The following ARL13B variants were observed in gnomAD, a reference collection of about 807,000 sequenced individuals.
The protein encoded by ARL13B is ARF like GTPase 13B.
A neutral mutation model predicts 56.1 loss-of-function variants in ARL13B; 36 were observed. That is an observed-to-expected ratio of 0.64 (90% CI 0.49 to 0.85). The LOEUF (loss-of-function observed/expected upper bound fraction) is 0.85, where lower values mean the gene tolerates loss of function less well. Among genes scored for constraint, ARL13B ranks in the 40% least tolerant of loss-of-function variants. The probability of loss-of-function intolerance (pLI) is 0.00; values close to 1 mark genes in which losing one functional copy is unlikely to be tolerated. For missense variants in ARL13B, 519 were observed against 507.1 expected (o/e 1.02, Z -0.23); for synonymous variants, 178 against 171.1 (o/e 1.04, Z -0.32).
chr3:94,016,862 G>T (rs2076344006), intron 3 of ARL13B, among the ~76,000 whole-genome samples: 1 of 152,084 alleles, frequency 6.6e-6, no homozygotes, highest in South Asian at 2.1e-4. Flanking sequence ...GGCCAGGCTG[G>T]TCTCAAACTC....
chr3:94,051,919 AT>A (rs200822426), intron 9 of ARL13B, among the ~76,000 whole-genome samples: 144 of 146,416 alleles, frequency 9.8e-4, no homozygotes, highest in Admixed American at 1.6e-3. Context: ...AAATTCATGA[AT>A]TTTTTTTTTT....
At chr3:94,039,827 A>G (rs536106268) in intron 5 of ARL13B, 53 bp from the exon 6 acceptor site, 2 of 1,520,532 alleles carry the variant, frequency 1.3e-6, no homozygotes, top group East Asian at 2.3e-5. Flanking sequence ...TTTCTTTAAC[A>G]TGGTTCAGCA....
rs555046723 is a variant in ARL13B at position 94,022,033 on chromosome 3, G to C, written c.381-13298G>C. Among the ~76,000 whole-genome samples the C allele has an allele frequency of 3.3e-5, 5 of 152,218 alleles. No homozygotes were observed. In the East Asian group the frequency reaches 9.7e-4, roughly 29 times the overall value. ...TTCCTTAAAGACAGTCATAAAGGCA[G>C]TCATTTTCAGCTCCTTAGCTATATG... On this transcript the variant is annotated intron_variant, in intron 3 of 9. Coordinates refer to ENST00000394222, the MANE Select transcript of ARL13B (RefSeq NM_001174150.2).
chr3:94,010,295 C>G (rs1019905233), intron 3 of ARL13B, among the ~76,000 whole-genome samples: 1 of 152,014 alleles, frequency 6.6e-6, no homozygotes, highest in Non-Finnish European at 1.5e-5. Flanking sequence ...CACTAGTGTT[C>G]TGTAAATGCA....
At chr3:94,022,328 G>A (rs2076465695) in intron 3 of ARL13B, among the ~76,000 whole-genome samples, 1 of 151,996 alleles carries the variant, frequency 6.6e-6, no homozygotes, top group African/African-American at 2.4e-5. Flanking sequence ...GTTTTACCAT[G>A]TTGGCCAGGC....
intron 3 of ARL13B, chr3:94,014,516 T>G: frequency 6.2e-7 from 1 of 1,612,754 alleles, no homozygotes; most frequent in Non-Finnish European, 8.5e-7. Context: ...TTCACTGTCA[T>G]TTCAATATTG....
chr3:93,982,153 CCTTTT>C (rs1172216966), intron 1 of ARL13B, among the ~76,000 whole-genome samples: 1 of 152,100 alleles, frequency 6.6e-6, no homozygotes, highest in Non-Finnish European at 1.5e-5. Flanking sequence ...CTTAGTCTTT[CCTTTT>C]CTTAGCAGCT....
chr3:94,034,232 A>G (rs1234334233), intron 3 of ARL13B, among the ~76,000 whole-genome samples: 1 of 151,730 alleles, frequency 6.6e-6, no homozygotes, highest in African/African-American at 2.4e-5. Context: ...GGGAAATACA[A>G]AAAAAAAGAA....
At chr3:94,008,984 A>C (rs1029741757) in intron 3 of ARL13B, among the ~76,000 whole-genome samples, 1 of 152,074 alleles carries the variant, frequency 6.6e-6, no homozygotes, top group Admixed American at 6.6e-5. Flanking sequence ...ATTTGATCTT[A>C]CTGGATGTTA....
chr3:94,044,099 G>A (rs1011135070), intron 7 of ARL13B, among the ~76,000 whole-genome samples: 4 of 152,058 alleles, frequency 2.6e-5, no homozygotes, highest in South Asian at 2.1e-4. Context: ...AGTGAGCAGC[G>A]TCTCTGCCTG....
chr3:94,034,084 A>G lies in ARL13B; in HGVS notation c.381-1247A>G, dbSNP rs534182175. ...AAATGATATTGGAGAATATTGAGTA[A>G]ATTGAGTAATATTGAAGACTTACTG... On this transcript the variant is annotated intron_variant, in intron 3 of 9. Coordinates refer to ENST00000394222, the MANE Select transcript of ARL13B (RefSeq NM_001174150.2). Among the ~76,000 whole-genome samples, 11 of 152,254 alleles carry G rather than the reference A, an allele frequency of 7.2e-5. No individual in the cohort carries two copies. The East Asian group carries it at 2.1e-3, about 29-fold the overall frequency.
At chr3:94,009,572 A>G (rs2076189332) in intron 3 of ARL13B, among the ~76,000 whole-genome samples, 1 of 152,084 alleles carries the variant, frequency 6.6e-6, no homozygotes, top group African/African-American at 2.4e-5. Context: ...CTGGAGACCT[A>G]TAGATATGGA....
At chr3:94,015,073 T>C (rs1420058505) in intron 3 of ARL13B, 15 of 1,613,998 alleles carry the variant, frequency 9.3e-6, no homozygotes, top group Non-Finnish European at 1.2e-5. Context: ...TTGAACATTA[T>C]CTGCCAAATT....
In ARL13B at chr3:93,995,918, C is replaced by A; in HGVS notation, c.104C>A (p.Thr35Asn). The change falls in exon 2 of 10, where the codon ACC (threonine) becomes AAC (asparagine). Residue 35 changes from threonine to asparagine, a missense_variant. Coordinates refer to ENST00000394222, the MANE Select transcript of ARL13B (RefSeq NM_001174150.2). ...LMVGLDNAGK[T>N]ATAKGIQGEY... ...GTGGGACTTGATAATGCTGGTAAAA[C>A]CGCAACAGCAAAGGGAATCCAAGGA... 1 of 1,613,400 alleles carries A rather than the reference C, an allele frequency of 6.2e-7. No individual in the cohort carries two copies. The highest frequency in any genetic ancestry group is 1.7e-5 in the Admixed American group (1 of 59,996).
intron 1 of ARL13B, among the ~76,000 whole-genome samples, chr3:93,990,182 A>G (rs2075846728): frequency 6.6e-6 from 1 of 151,618 alleles, no homozygotes; most frequent in Non-Finnish European, 1.5e-5. Context: ...TTTTTTTTGT[A>G]TTTTTAGTAG....
chr3:93,987,386 T>G (rs1710522007), intron 1 of ARL13B, among the ~76,000 whole-genome samples: 1 of 152,218 alleles, frequency 6.6e-6, no homozygotes, highest in Non-Finnish European at 1.5e-5. Flanking sequence ...ATCTATTATA[T>G]ACATTGTGTT....
At chr3:94,044,077 C>G (rs2076927176) in intron 7 of ARL13B, among the ~76,000 whole-genome samples, 1 of 152,152 alleles carries the variant, frequency 6.6e-6, no homozygotes, top group African/African-American at 2.4e-5. Flanking sequence ...CTGCCCGCCA[C>G]CCCGTCTAGG....
intron 7 of ARL13B, among the ~76,000 whole-genome samples, chr3:94,047,315 G>GT (rs1170436597): frequency 6.6e-6 from 1 of 152,172 alleles, no homozygotes; most frequent in Non-Finnish European, 1.5e-5. Flanking sequence ...CAGTTGGGAA[G>GT]TTAGGGCAGT....
intron 2 of ARL13B, among the ~76,000 whole-genome samples, chr3:94,001,579 C>G (rs889771406): frequency 1.3e-5 from 2 of 152,104 alleles, no homozygotes; most frequent in Non-Finnish European, 2.9e-5. Context: ...ACTATCGTCT[C>G]TAGCTTATTT....
Sources: allele counts gnomAD v4.1 joint callset (sites outside exome capture counted in the v4.1 genomes callset), GRCh38; gene constraint gnomAD v4.1.1; transcripts MANE v1.5; gene names NCBI Gene and HGNC (gene_info 2026-07-23, HGNC 2026-07-21).